The following EPB41L4B variants were observed in gnomAD, a reference collection of about 807,000 sequenced individuals.
EPB41L4B encodes band 4.1-like protein 4B.
A neutral mutation model predicts 112.5 loss-of-function variants in EPB41L4B; 30 were observed. That is an observed-to-expected ratio of 0.27 (90% CI 0.20 to 0.36). The LOEUF is 0.36. Among genes scored for constraint, EPB41L4B ranks in the 10% least tolerant of loss-of-function variants. The pLI is 1.00. For synonymous variants in EPB41L4B, 408 were observed against 439.7 expected, an observed-to-expected ratio of 0.93 and a Z score of 0.90; for missense variants, 1,024 against 1,133.3, an observed-to-expected ratio of 0.90 and a Z score of 1.38.
chr9:109,268,054 T>C (rs1835469536), intron 3 of EPB41L4B, among the ~76,000 whole-genome samples: 1 of 152,206 alleles, frequency 6.6e-6, no homozygotes, highest in South Asian at 2.1e-4. Context: ...CCTCCTACTC[T>C]CTCATCCTCT....
At chr9:109,271,855 A>C (rs2119100409) in intron 2 of EPB41L4B, among the ~76,000 whole-genome samples, 1 of 152,324 alleles carries the variant, frequency 6.6e-6, no homozygotes, top group Non-Finnish European at 1.5e-5. Flanking sequence ...TTCTAATCTG[A>C]ATTTCTCATC....
chr9:109,190,086 C>T (rs1564253568), intron 22 of EPB41L4B, among the ~76,000 whole-genome samples: 1 of 152,142 alleles, frequency 6.6e-6, no homozygotes, highest in Non-Finnish European at 1.5e-5. Flanking sequence ...CAGGCACATA[C>T]TACCACGCTC....
intron 2 of EPB41L4B, among the ~76,000 whole-genome samples, chr9:109,276,799 C>T (rs894266601): frequency 2.0e-5 from 3 of 152,216 alleles, no homozygotes; most frequent in African/African-American, 4.8e-5. Flanking sequence ...TGAGGGGTCA[C>T]TTGGGGATGA....
At chr9:109,225,900 T>C (rs1292225501) in intron 15 of EPB41L4B, among the ~76,000 whole-genome samples, 1 of 152,240 alleles carries the variant, frequency 6.6e-6, no homozygotes, top group Non-Finnish European at 1.5e-5. Context: ...GGGACTTGCC[T>C]GAGCTCCATG....
chr9:109,240,259 C>G, intron 15 of EPB41L4B: 1 of 985,344 alleles, frequency 1.0e-6, no homozygotes, highest in Non-Finnish European at 1.2e-6. Flanking sequence ...AGCACATACA[C>G]TGAGCATCAG....
rs928402098 is a variant in EPB41L4B at position 109,268,292 on chromosome 9, C to A, written c.454+99G>T. 7 of 1,104,350 alleles carry A rather than the reference C, an allele frequency of 6.3e-6. No homozygotes were observed. In the Admixed American group the frequency reaches 1.4e-4, roughly 22 times the overall value. The allele number at this position is 1,104,350 out of a possible 1,614,324, so 68.4% of individuals were successfully genotyped here. A position where few individuals can be genotyped will look rare whatever the true frequency, so the allele number is the denominator to read the frequency against. On this transcript the variant is annotated intron_variant, in intron 3 of 25. Coordinates refer to ENST00000374566, the MANE Select transcript of EPB41L4B (RefSeq NM_019114.5). ...TAATACCGAATTGATTTTTAAAATG[C>A]TTCCAAGTTCTAATGAAAACATAAC...
At chr9:109,196,962 G>C (rs538438256) in intron 20 of EPB41L4B, among the ~76,000 whole-genome samples, 2 of 152,228 alleles carry the variant, frequency 1.3e-5, no homozygotes, top group South Asian at 4.1e-4. Context: ...CCTTATTCCA[G>C]CCTAGGAACT....
chr9:109,183,994 T>A lies in EPB41L4B; in HGVS notation c.2419-1197A>T, dbSNP rs150852048. Among the ~76,000 whole-genome samples, 657 of 152,338 alleles carry A rather than the reference T, an allele frequency of 4.3e-3. 5 individuals carry two copies. The highest frequency in any genetic ancestry group is 0.015 in the African/African-American group (626 of 41,572). On this transcript the variant is annotated intron_variant, in intron 23 of 25. Coordinates refer to ENST00000374566, the MANE Select transcript of EPB41L4B (RefSeq NM_019114.5). The stretch of plus-strand genomic sequence containing the variant: ...GATGTCCAGCCCAAGCCTGCTCCCC[T>A]TCCCCCAAATTTCTTTGGTCTCTTT...
chr9:109,249,058 C>CAA (rs11287142), intron 13 of EPB41L4B, among the ~76,000 whole-genome samples: 6 of 121,340 alleles, frequency 4.9e-5, no homozygotes, highest in African/African-American at 1.2e-4. Flanking sequence ...GACTCCATCT[C>CAA]AAAAAAAAAA....
At chr9:109,212,953 C>T (rs770935755) in intron 17 of EPB41L4B, among the ~76,000 whole-genome samples, 7 of 152,186 alleles carry the variant, frequency 4.6e-5, no homozygotes, top group Non-Finnish European at 7.3e-5. Flanking sequence ...AGTTGAGAAA[C>T]GCTGGCAAAG....
At chr9:109,279,152 T>C (rs1835941543) in intron 2 of EPB41L4B, among the ~76,000 whole-genome samples, 1 of 151,838 alleles carries the variant, frequency 6.6e-6, no homozygotes. Context: ...CCTCTTCTGC[T>C]GGTTAAAAAT....
intron 20 of EPB41L4B, among the ~76,000 whole-genome samples, chr9:109,197,993 T>C (rs950140828): frequency 1.3e-5 from 2 of 152,186 alleles, no homozygotes; most frequent in African/African-American, 4.8e-5. Context: ...CTGCCAGTCT[T>C]ATCCTCGAGG....
At chr9:109,314,390 G>C (rs1028934291) in intron 1 of EPB41L4B, among the ~76,000 whole-genome samples, 3 of 152,166 alleles carry the variant, frequency 2.0e-5, no homozygotes, top group African/African-American at 7.2e-5. Context: ...AGGGTACTAG[G>C]AACAGAATTC....
intron 1 of EPB41L4B, among the ~76,000 whole-genome samples, chr9:109,304,749 T>G (rs1837104944): frequency 6.6e-6 from 1 of 152,144 alleles, no homozygotes; most frequent in Admixed American, 6.5e-5. Context: ...GTCAATCCAC[T>G]TTGAAAACAT....
rs1211839323 is a variant in EPB41L4B at position 109,240,686 on chromosome 9, A to G, written c.1409+2932T>C. 4 of 985,300 alleles carry G rather than the reference A, an allele frequency of 4.1e-6. No individual in the cohort carries two copies. The East Asian group carries it at 3.4e-4, about 84-fold the overall frequency. 61.0% of individuals were successfully genotyped at this position (985,300 alleles called of 1,614,324 possible). A position where few individuals can be genotyped will look rare whatever the true frequency, so the allele number is the denominator to read the frequency against. ...CAACAACCATCTCATCCTACTCTAC[A>G]GAATGCTTTGGCACAACTTCAAGAA... On this transcript the variant is annotated intron_variant, in intron 15 of 25. Transcript: ENST00000374566.
In EPB41L4B at chr9:109,174,309, T is replaced by G; in HGVS notation, c.*245A>C. On this transcript the variant is annotated 3_prime_UTR_variant, in exon 26 of 26. Transcript: ENST00000374566. ...GAAAAGGAATCCCGTTTTCCCATCT[T>G]TCTTTTCCTAGACTTATCAAATCCT... 2.4e-6 allele frequency: 1 copy of G among 415,304 alleles called. No individual in the cohort carries two copies. The highest frequency in any genetic ancestry group is 4.4e-6 in the Non-Finnish European group (1 of 227,294). 25.7% of individuals were successfully genotyped at this position (415,304 alleles called of 1,614,324 possible). A position where few individuals can be genotyped will look rare whatever the true frequency, so the allele number is the denominator to read the frequency against.
intron 1 of EPB41L4B, among the ~76,000 whole-genome samples, chr9:109,319,705 G>A (rs1287621683): frequency 1.3e-5 from 2 of 152,144 alleles, no homozygotes; most frequent in African/African-American, 2.4e-5. Context: ...GGGACAAGCT[G>A]GACACCCCAG....
chr9:109,263,916 G>C (rs1015218761), intron 5 of EPB41L4B, among the ~76,000 whole-genome samples: 4 of 152,140 alleles, frequency 2.6e-5, no homozygotes, highest in Admixed American at 6.5e-5. Flanking sequence ...AGGCTAAACT[G>C]CATGTAAACT....
intron 15 of EPB41L4B, among the ~76,000 whole-genome samples, chr9:109,218,976 C>A (rs999411413): frequency 1.3e-5 from 2 of 152,166 alleles, no homozygotes; most frequent in Admixed American, 6.5e-5. Context: ...CTAGAACAAA[C>A]TGCTAAGAAA....
Sources: allele counts gnomAD v4.1 joint callset (sites outside exome capture counted in the v4.1 genomes callset), GRCh38; gene constraint gnomAD v4.1.1; transcripts MANE v1.5; gene names NCBI Gene and HGNC (gene_info 2026-07-23, HGNC 2026-07-21).